The following CCDC171 variants were observed in gnomAD, a reference collection of about 807,000 sequenced individuals.
The protein encoded by CCDC171 is coiled-coil domain-containing protein 171.
Under a neutral mutation model 168.2 loss-of-function variants are expected in CCDC171, and 177 were observed. That is an observed-to-expected ratio of 1.05 (90% CI 0.93 to 1.19). CCDC171 has a LOEUF of 1.19. CCDC171 is among the 50% of genes most tolerant of loss of function. The pLI, the probability that CCDC171 is intolerant of heterozygous loss-of-function variation, is 0.00. For missense variants in CCDC171, 1,991 were observed against 1,539.0 expected, an observed-to-expected ratio of 1.29 and a Z score of -4.91; for synonymous variants, 687 against 540.8, an observed-to-expected ratio of 1.27 and a Z score of -3.75.
At chr9:15,873,080 A>G (rs1174867888) in intron 23 of CCDC171, among the ~76,000 whole-genome samples, 1 of 152,060 alleles carries the variant, frequency 6.6e-6, no homozygotes, top group African/African-American at 2.4e-5. Context: ...GTTTTACAGC[A>G]TACACTTTGA....
intron 6 of CCDC171, among the ~76,000 whole-genome samples, chr9:15,597,256 C>T (rs554041143): frequency 1.3e-5 from 2 of 152,144 alleles, no homozygotes; most frequent in Admixed American, 6.5e-5. Flanking sequence ...AGTTTTTGCC[C>T]ATTCAGTATG....
At chr9:15,563,617 C>G (rs2039491104) in intron 1 of CCDC171, among the ~76,000 whole-genome samples, 1 of 152,118 alleles carries the variant, frequency 6.6e-6, no homozygotes, top group African/African-American at 2.4e-5. Flanking sequence ...TATTTCCAAC[C>G]TAGTCTTTCA....
rs560595021 is a variant in CCDC171, at chr9:16,046,248, G to A, written n.89+3362G>A. On this transcript the variant is annotated intron_variant and non_coding_transcript_variant, in intron 1 of 1. Transcript: ENST00000478913. ...TGGATGGATGCTGAAGAAACCAATC[G>A]AGAAGTAAAATGGGGTCCGGAGTGT... Among the ~76,000 whole-genome samples the A allele has an allele frequency of 4.6e-5, 7 of 152,206 alleles. No individual in the cohort carries two copies. The East Asian group carries it at 7.7e-4, about 17-fold the overall frequency.
intron 25 of CCDC171, among the ~76,000 whole-genome samples, chr9:15,944,499 A>G (rs986720970): frequency 6.6e-6 from 1 of 152,002 alleles, no homozygotes; most frequent in Non-Finnish European, 1.5e-5. Flanking sequence ...TAAATGTGTT[A>G]ATGTATTCAA....
At chr9:15,955,108 A>C (rs1481561675) in intron 25 of CCDC171, among the ~76,000 whole-genome samples, 1 of 152,114 alleles carries the variant, frequency 6.6e-6, no homozygotes, top group Non-Finnish European at 1.5e-5. Flanking sequence ...TTTTTAAAAA[A>C]TTGCTGTAGC....
At chr9:15,656,821 C>T (rs1470016552) in intron 7 of CCDC171, among the ~76,000 whole-genome samples, 1 of 151,634 alleles carries the variant, frequency 6.6e-6, no homozygotes, top group East Asian at 1.9e-4. Flanking sequence ...TTGATTGTGG[C>T]AGTGATTTAA....
intron 6 of CCDC171, among the ~76,000 whole-genome samples, chr9:16,027,436 C>T (rs908352702): frequency 6.6e-6 from 1 of 152,172 alleles, no homozygotes; most frequent in Non-Finnish European, 1.5e-5. Context: ...CCACTCAAGT[C>T]AGTCTCAAAA....
At chr9:15,799,135 CATATATATATATATATAT>C (rs57651824) in intron 21 of CCDC171, among the ~76,000 whole-genome samples, 17 of 109,030 alleles carry the variant, frequency 1.6e-4, no homozygotes, top group South Asian at 9.7e-4. Flanking sequence ...TCATCATTGC[CATATATATATATATATAT>C]ATATATATAT....
intron 1 of CCDC171, among the ~76,000 whole-genome samples, chr9:16,058,666 C>A (rs1480380568): frequency 6.6e-6 from 1 of 152,214 alleles, no homozygotes; most frequent in Non-Finnish European, 1.5e-5. Context: ...CAATTCCCCG[C>A]TGTGTTTCCT....
chr9:15,999,790 A>C (rs527398615), intron 3 of CCDC171, among the ~76,000 whole-genome samples: 1 of 152,314 alleles, frequency 6.6e-6, no homozygotes, highest in African/African-American at 2.4e-5. Context: ...ACTGAGACAT[A>C]GGTCTCTGCT....
chr9:15,718,419 G>T (rs1219132966), intron 11 of CCDC171, among the ~76,000 whole-genome samples: 1 of 152,226 alleles, frequency 6.6e-6, no homozygotes, highest in African/African-American at 2.4e-5. Flanking sequence ...TGAGGAGAAG[G>T]ACACAATCCT....
rs373644072 is a variant in CCDC171, at chr9:15,811,966, T to A, written c.3267+27272T>A. On this transcript the variant is annotated intron_variant, in intron 21 of 25. Coordinates refer to ENST00000380701, the MANE Select transcript of CCDC171 (RefSeq NM_173550.4). The stretch of plus-strand genomic sequence containing the variant: ...GTTGTGGGAAAACATTTGATAAAAC[T>A]GTACTTGGGATAATTTAGGAGGCAG... Among the ~76,000 whole-genome samples, 114 of 152,250 alleles carry A rather than the reference T, an allele frequency of 7.5e-4. 1 individual carries two copies. Among genetic ancestry groups the A allele is most frequent in the African/African-American group, 2.5e-3 (105 of 41,564 alleles).
At chr9:15,660,879 T>G (rs1183706397) in intron 8 of CCDC171, among the ~76,000 whole-genome samples, 1 of 152,206 alleles carries the variant, frequency 6.6e-6, no homozygotes, top group South Asian at 2.1e-4. Context: ...AGTTCTGAGT[T>G]CTTTGAGAAA....
chr9:15,642,362 T>TATATATACATATATATATATATAC (rs1564119003), intron 7 of CCDC171, among the ~76,000 whole-genome samples: 1 of 45,074 alleles, frequency 2.2e-5, no homozygotes, highest in African/African-American at 5.0e-5. Context: ...TATATATATA[T>TATATATACATATATATATATATAC]ATATATATAT....
chr9:15,605,515 TA>T (rs71325923), intron 6 of CCDC171, among the ~76,000 whole-genome samples: 81 of 99,128 alleles, frequency 8.2e-4, no homozygotes, highest in South Asian at 3.0e-3. Flanking sequence ...CTGTCTCTAC[TA>T]AAAAAAAAAA....
At chr9:15,933,381 A>T (rs547712225) in intron 25 of CCDC171, among the ~76,000 whole-genome samples, 2 of 151,650 alleles carry the variant, frequency 1.3e-5, no homozygotes, top group African/African-American at 4.8e-5. Context: ...TTAATCTCTG[A>T]TATTATTTAT....
At chr9:15,991,639 G>T (rs1326454037) in intron 3 of CCDC171, among the ~76,000 whole-genome samples, 2 of 152,098 alleles carry the variant, frequency 1.3e-5, no homozygotes, top group African/African-American at 4.8e-5. Context: ...ATGAATCCAG[G>T]AGGTGGTTTT....
At chr9:15,826,109 A>G (rs1343276083) in intron 21 of CCDC171, among the ~76,000 whole-genome samples, 1 of 151,920 alleles carries the variant, frequency 6.6e-6, no homozygotes, top group East Asian at 1.9e-4. Context: ...TTTGTATTGA[A>G]ATGCTTTTTA....
chr9:15,674,663 A>G (rs1396630840), intron 9 of CCDC171, among the ~76,000 whole-genome samples: 1 of 152,074 alleles, frequency 6.6e-6, no homozygotes, highest in Non-Finnish European at 1.5e-5. Flanking sequence ...CATGTAGTTG[A>G]GCAGTTTTGA....
Sources: gnomAD v4.1 joint callset for allele counts (sites outside exome capture counted in the v4.1 genomes callset) on GRCh38, gnomAD v4.1.1 for gene constraint, MANE v1.5 for transcripts, NCBI Gene and HGNC (gene_info 2026-07-23, HGNC 2026-07-21) for gene names.